Variants in THUMPD1 observed in about 807,000 individuals in gnomAD.
THUMPD1 encodes the protein THUMP domain 1 NAT10 acetyltransferase adaptor, also known as THUMP domain-containing protein 1.
Under a neutral mutation model 31.6 loss-of-function variants are expected in THUMPD1, and 31 were observed. The ratio of observed to expected loss-of-function variants is 0.98; its 90% CI spans 0.74 to 1.32. THUMPD1 has a LOEUF of 1.32. THUMPD1 is among the 40% of genes most tolerant of loss of function. The probability of loss-of-function intolerance (pLI) is 0.00; values close to 1 mark genes in which losing one functional copy is unlikely to be tolerated. For missense variants in THUMPD1, 446 were observed against 427.8 expected, an observed-to-expected ratio of 1.04 and a Z score of -0.38; for synonymous variants, 166 against 158.2, an observed-to-expected ratio of 1.05 and a Z score of -0.37.
At chr16:20,737,981 A>G (rs1435221147) in intron 2 of THUMPD1, 25 bp from the exon 3 acceptor site, 1 of 1,565,170 alleles carries the variant, frequency 6.4e-7, no homozygotes. Flanking sequence ...AAAGTTAAGA[A>G]GATAATTTCT....
chr16:20,737,125 C>T lies in THUMPD1; in HGVS notation c.817G>A (p.Asp273Asn). Residue 273 changes from aspartate to asparagine, a missense_variant, in exon 4 of 4, where the codon GAT becomes AAT. Transcript: ENST00000396083. ...NLQEVVKSPK[D>N]PSQLNSKQGN... ...TGCTTTGAGTTAAGCTGTGACGGAT[C>T]CTTAGGGCTCTTCACCACCTCCTGG... The T allele has an allele frequency of 6.2e-7, 1 of 1,614,206 alleles. No homozygotes were observed. Among genetic ancestry groups the T allele is most frequent in the South Asian group, 1.1e-5 (1 of 91,084 alleles).
At position 20,738,946 on chromosome 16, in the gene THUMPD1, T is replaced by C. The variant is rs1463852858; in HGVS notation, c.357A>G (p.Ser119=). The C allele has an allele frequency of 1.9e-6, 3 of 1,614,218 alleles. No homozygotes were observed. Among genetic ancestry groups the C allele is most frequent in the Non-Finnish European group, 2.5e-6 (3 of 1,180,042 alleles). The stretch of plus-strand genomic sequence containing the variant: ...CAACGTTATTTGCTCCACTTTCCAC[T>C]GACTGGAATCTTCTTAACCTCATCT... ...STEMRLRRFQ[S]VESGANNVVF... is the part of the protein sequence containing the mutation. Residue 119 remains serine, a synonymous_variant, in exon 2 of 4, where the codon TCA becomes TCG. Coordinates refer to ENST00000396083, the MANE Select transcript of THUMPD1 (RefSeq NM_017736.5).
In THUMPD1 at chr16:20,741,563, C is replaced by T. The variant is rs751290380; in HGVS notation, c.177G>A (p.Glu59=). 39 of 1,492,066 alleles carry T rather than the reference C, an allele frequency of 2.6e-5. No individual in the cohort carries two copies. Among genetic ancestry groups the T allele is most frequent in the Non-Finnish European group, 3.3e-5 (37 of 1,107,752 alleles). The allele number at this position is 1,492,066 out of a possible 1,614,324, so 92.4% of individuals were successfully genotyped here. A position where few individuals can be genotyped will look rare whatever the true frequency, so the allele number is the denominator to read the frequency against. The change falls in exon 1 of 4, where the codon GAG becomes GAA. Residue 59 remains glutamate (E), a synonymous_variant. Transcript: ENST00000396083. ...TCNMNERKCV[E]EAYSLLNEYG... is the part of the protein sequence containing the mutation. ...ATTCGTTGAGGAGGCTGTAGGCCTC[C>T]TCCACGCACTTGCGCTCGTTCATAT... is the stretch of plus-strand genomic sequence containing the variant.
chr16:20,736,926 C>T lies in THUMPD1; in HGVS notation c.1016G>A (p.Ser339Asn), dbSNP rs1269127884. ...TGACTTGGATCCTTCTGTGGCTTGA[C>T]TTGCAAGTTCAGGTTTGGCTCCTCC... ...NEGGAKPELASQATEGSKSNE... is the reference protein window; with the variant it reads ...NEGGAKPELANQATEGSKSNE... Residue 339 changes from serine to asparagine, a missense_variant, in exon 4 of 4, where the codon AGT (serine) becomes AAT (asparagine). Transcript: ENST00000396083. 16 of 1,614,020 alleles carry T rather than the reference C, an allele frequency of 9.9e-6. No homozygotes were observed. The highest frequency in any genetic ancestry group is 1.4e-5 in the Non-Finnish European group (16 of 1,180,024).
At chr16:20,738,474 CAAGTAT>C (rs2079890079) in intron 2 of THUMPD1, among the ~76,000 whole-genome samples, 1 of 152,120 alleles carries the variant, frequency 6.6e-6, no homozygotes, top group South Asian at 2.1e-4. Context: ...TGCCTACATA[CAAGTAT>C]ATTTGGGGCT....
At position 20,738,960 on chromosome 16, in the gene THUMPD1, T is replaced by G; in HGVS notation, c.343A>C (p.Arg115=). 1 of 1,614,226 alleles carries G rather than the reference T, an allele frequency of 6.2e-7. No individual in the cohort carries two copies. The highest frequency in any genetic ancestry group is 1.1e-5 in the South Asian group (1 of 91,090). The part of the protein sequence containing the change: ...DIKASTEMRL[R]RFQSVESGAN... ...CCACTTTCCACTGACTGGAATCTTC[T>G]TAACCTCATCTCTGTAGATGCCTTA... Residue 115 remains arginine, a synonymous_variant, in exon 2 of 4, where the codon AGA becomes CGA. Coordinates refer to ENST00000396083, the MANE Select transcript of THUMPD1 (RefSeq NM_017736.5).
rs2079868430 is a variant in THUMPD1, at chr16:20,736,326, T to C, written c.*554A>G. On this transcript the variant is annotated 3_prime_UTR_variant, in exon 4 of 4. Transcript: ENST00000396083. ...AAATGGTTCTCGTCTCTCTCACATC[T>C]TGCCTTCCAAAATTGCGACACTGGA... is the stretch of plus-strand genomic sequence containing the variant. The C allele has an allele frequency of 6.6e-6, 1 of 151,546 alleles. No individual in the cohort carries two copies. The highest frequency in any genetic ancestry group is 2.1e-4 in the South Asian group (1 of 4,830). 9.4% of individuals were successfully genotyped at this position (151,546 alleles called of 1,614,324 possible). A position where few individuals can be genotyped will look rare whatever the true frequency, so the allele number is the denominator to read the frequency against.
Position 20,737,232 on chromosome 16 carries a change from T to C in THUMPD1, c.710A>G (p.Tyr237Cys). 1 of 1,614,170 alleles carries C rather than the reference T, an allele frequency of 6.2e-7. No individual in the cohort carries two copies. The highest frequency in any genetic ancestry group is 2.2e-5 in the East Asian group (1 of 44,890). Residue 237 changes from tyrosine to cysteine, a missense_variant, in exon 4 of 4, where the codon TAC becomes TGC. Transcript: ENST00000396083. ...ENKVDLTNPQ[Y>C]TVVVEIIKAV... ...TTTGATGATTTCTACTACCACTGTGTACTGTGGATTGGTGAGATCCACTTT... is the reference window on the plus strand; with the variant it reads ...TTTGATGATTTCTACTACCACTGTGCACTGTGGATTGGTGAGATCCACTTT...
rs1051490067 is a variant in THUMPD1 at position 20,741,529 on chromosome 16, C to G, written c.211G>C (p.Asp71His). Residue 71 changes from aspartate (D) to histidine (H), a missense_variant, in exon 1 of 4, where the codon GAC becomes CAC. Asp to His is a moderately conservative substitution (Grantham distance 81). Transcript: ENST00000396083. ...GGTACCTTTTCTGGCCCATACATGT[C>G]GTCGCCGTATTCGTTGAGGAGGCTG... Reference protein sequence around the residue: ...AYSLLNEYGDDMYGPEKFTDK... With the variant: ...AYSLLNEYGDHMYGPEKFTDK... The G allele has an allele frequency of 7.6e-7, 1 of 1,307,658 alleles. No individual in the cohort carries two copies. The highest frequency in any genetic ancestry group is 2.4e-5 in the Admixed American group (1 of 42,402). The allele number at this position is 1,307,658 out of a possible 1,614,324, so 81.0% of individuals were successfully genotyped here.
intron 2 of THUMPD1, 38 bp from the exon 3 acceptor site, chr16:20,737,994 G>C (rs1319322418): frequency 1.3e-6 from 2 of 1,554,566 alleles, no homozygotes; most frequent in Non-Finnish European, 1.7e-6. Context: ...TAATTTCTCA[G>C]ACATCTTAAA....
intron 1 of THUMPD1, among the ~76,000 whole-genome samples, chr16:20,740,231 C>T (rs1437504825): frequency 6.6e-6 from 1 of 152,072 alleles, no homozygotes; most frequent in East Asian, 1.9e-4. Context: ...CCCGTCTCTA[C>T]AAAAAATACA....
chr16:20,741,761 AAG>A lies in THUMPD1; in HGVS notation c.-24_-23del. ...CCATGGTGTGCGCAAACTGAGAGGA[AAG>A]AGAAACGTTTCTCCGCTGCTGTTGG... On this transcript the variant is annotated 5_prime_UTR_variant, in exon 1 of 4. Coordinates refer to ENST00000396083, the MANE Select transcript of THUMPD1 (RefSeq NM_017736.5). The A allele has an allele frequency of 6.4e-7, 1 of 1,556,156 alleles. No homozygotes were observed. Among genetic ancestry groups the A allele is most frequent in the Non-Finnish European group, 8.7e-7 (1 of 1,149,760 alleles).
At position 20,739,679 on chromosome 16, in the gene THUMPD1, G is replaced by A. The variant is rs1052668123; in HGVS notation, c.232-608C>T. ...CTACTAAAAATACAAAAATTAGCCC[G>A]ATGTGGTGGCAGACGCCTGTAATCC... On this transcript the variant is annotated intron_variant, in intron 1 of 3. Transcript: ENST00000396083. Among the ~76,000 whole-genome samples, 24 of 151,926 alleles carry A rather than the reference G, an allele frequency of 1.6e-4. 1 individual carries two copies. The highest frequency in any genetic ancestry group is 9.8e-4 in the Admixed American group (15 of 15,274).
At chr16:20,739,830 A>T (rs7501100) in intron 1 of THUMPD1, among the ~76,000 whole-genome samples, 88 of 46,622 alleles carry the variant, frequency 1.9e-3, no homozygotes, top group African/African-American at 3.8e-3. Context: ...CAAAAAAATT[A>T]AAAAAAAAAA....
chr16:20,736,708 G>T lies in THUMPD1; in HGVS notation c.*172C>A. On this transcript the variant is annotated 3_prime_UTR_variant, in exon 4 of 4. Coordinates refer to ENST00000396083, the MANE Select transcript of THUMPD1 (RefSeq NM_017736.5). ...CTACGTAATACCATAAAGGCTGAAA[G>T]ATCCCTAAAAAAACTGTTAACAGGG... is the stretch of plus-strand genomic sequence containing the variant. The T allele has an allele frequency of 1.5e-6, 1 of 659,712 alleles. No homozygotes were observed. Among genetic ancestry groups the T allele is most frequent in the East Asian group, 2.7e-5 (1 of 36,454 alleles). The allele number at this position is 659,712 out of a possible 1,614,324, so 40.9% of individuals were successfully genotyped here. A position where few individuals can be genotyped will look rare whatever the true frequency, so the allele number is the denominator to read the frequency against.
chr16:20,741,609 T>G lies in THUMPD1; in HGVS notation c.131A>C (p.Gln44Pro), dbSNP rs1271448072. 1.3e-6 allele frequency: 2 copies of G among 1,573,856 alleles called. No homozygotes were observed. Among genetic ancestry groups the G allele is most frequent in the Non-Finnish European group, 1.7e-6 (2 of 1,159,628 alleles). ...CATATTGCAGGTGATGAGGATGCCCTGTAGCCCGGGCTCTAGCTGACGGGG... is the reference window on the plus strand; with the variant it reads ...CATATTGCAGGTGATGAGGATGCCCGGTAGCCCGGGCTCTAGCTGACGGGG... ...GGPRQLEPGL[Q>P]GILITCNMNE... is the part of the protein sequence containing the mutation. The change falls in exon 1 of 4, where the codon CAG becomes CCG. Residue 44 changes from glutamine (Q) to proline (P), a missense_variant. Transcript: ENST00000396083.
chr16:20,733,794 G>A lies in THUMPD1; in HGVS notation c.*3086C>T, dbSNP rs1427006022. 2 of 152,060 alleles carry A rather than the reference G, an allele frequency of 1.3e-5. No homozygotes were observed. Among genetic ancestry groups the A allele is most frequent in the Non-Finnish European group, 2.9e-5 (2 of 67,986 alleles). 9.4% of individuals were successfully genotyped at this position (152,060 alleles called of 1,614,324 possible). A position where few individuals can be genotyped will look rare whatever the true frequency, so the allele number is the denominator to read the frequency against. ...CATTTGAAAACCAAGTTTAACCTCA[G>A]AGAATCATGTTTTAAAATACAAAGT... On this transcript the variant is annotated 3_prime_UTR_variant, in exon 4 of 4. Coordinates refer to ENST00000396083, the MANE Select transcript of THUMPD1 (RefSeq NM_017736.5).
At position 20,735,426 on chromosome 16, in the gene THUMPD1, A is replaced by G. The variant is rs1245581449; in HGVS notation, c.*1454T>C. ...GCATAAATGGGTCTTTGATACAGGT[A>G]ACCAGTTTTGTAACATTATTCAGAA... On this transcript the variant is annotated 3_prime_UTR_variant, in exon 4 of 4. Transcript: ENST00000396083. The G allele has an allele frequency of 4.0e-5, 6 of 151,270 alleles. No individual in the cohort carries two copies. Among genetic ancestry groups the G allele is most frequent in the Admixed American group, 1.3e-4 (2 of 15,202 alleles). The allele number at this position is 151,270 out of a possible 1,614,324, so 9.4% of individuals were successfully genotyped here.
chr16:20,737,546 C>T (rs778432417), intron 3 of THUMPD1, among the ~76,000 whole-genome samples, 162 bp downstream of exon 3: 2 of 151,896 alleles, frequency 1.3e-5, no homozygotes, highest in African/African-American at 2.4e-5. Flanking sequence ...ATCTCATATC[C>T]GACATATTGA....
Sources: gnomAD v4.1 joint callset for allele counts (sites outside exome capture counted in the v4.1 genomes callset) on GRCh38, gnomAD v4.1.1 for gene constraint, MANE v1.5 for transcripts, NCBI Gene and HGNC (gene_info 2026-07-23, HGNC 2026-07-21) for gene names.